RBFOX1: variants seen among roughly 807,000 people sequenced by gnomAD.
The protein encoded by RBFOX1 is RNA binding fox-1 homolog 1, also known as RNA binding protein fox-1 homolog 1.
In RBFOX1, 8 loss-of-function variants were observed where a neutral mutation model predicts 57.7. The observed-to-expected ratio is 0.14, with a 90% CI of 0.08 to 0.25. The LOEUF (loss-of-function observed/expected upper bound fraction) is 0.25. Among genes scored for constraint, RBFOX1 ranks in the 10% least tolerant of loss-of-function variants. RBFOX1 has a pLI of 1.00. For missense variants in RBFOX1, 611 were observed against 548.5 expected (o/e 1.11, Z -1.14); for synonymous variants, 326 against 222.4 (o/e 1.47, Z -4.15).
chr16:5,888,378 CATTATT>C (rs2057952796), intron 4 of RBFOX1, among the ~76,000 whole-genome samples: 1 of 152,224 alleles, frequency 6.6e-6, no homozygotes, highest in African/African-American at 2.4e-5. Context: ...TCATTTTACT[CATTATT>C]ATTATTGTTG....
chr16:6,306,725 G>A (rs79293435), intron 1 of RBFOX1, among the ~76,000 whole-genome samples: 9,929 of 152,200 alleles, frequency 0.065, 363 homozygotes, highest in South Asian at 0.094. Context: ...AGCAGTTGCC[G>A]TCCATTTCTG....
chr16:6,171,776 G>A (rs1263284746), intron 1 of RBFOX1, among the ~76,000 whole-genome samples: 1 of 151,108 alleles, frequency 6.6e-6, no homozygotes, highest in Non-Finnish European at 1.5e-5. Flanking sequence ...TGAACCAAAG[G>A]GTCTGGGTGA....
chr16:7,574,921 C>T (rs1387684113), intron 5 of RBFOX1, among the ~76,000 whole-genome samples: 1 of 152,114 alleles, frequency 6.6e-6, no homozygotes, highest in African/African-American at 2.4e-5. Flanking sequence ...GGACGCATTG[C>T]CTCCTGGATA....
intron 3 of RBFOX1, among the ~76,000 whole-genome samples, chr16:5,605,163 C>G (rs2047524923): frequency 6.6e-6 from 1 of 152,150 alleles, no homozygotes; most frequent in Admixed American, 6.5e-5. Context: ...CCTGTTTTAC[C>G]CTCCAAGGTG....
intron 4 of RBFOX1, among the ~76,000 whole-genome samples, chr16:7,469,276 C>T (rs1472876684): frequency 2.0e-5 from 3 of 151,856 alleles, no homozygotes; most frequent in Non-Finnish European, 2.9e-5. Flanking sequence ...GTCGGTCAGG[C>T]TGGTCTCGAA....
At chr16:6,775,169 CAAAAAAAAA>C (rs74584596) in intron 3 of RBFOX1, among the ~76,000 whole-genome samples, 1 of 84,102 alleles carries the variant, frequency 1.2e-5, no homozygotes, top group African/African-American at 3.5e-5. Flanking sequence ...ACTAAAAGTA[CAAAAAAAAA>C]AAAAAAAAGT....
At chr16:5,630,785 T>A (rs2151303332) in intron 3 of RBFOX1, among the ~76,000 whole-genome samples, 1 of 152,204 alleles carries the variant, frequency 6.6e-6, no homozygotes, top group African/African-American at 2.4e-5. Context: ...CTTCAATTGT[T>A]GGAAAAAAGG....
intron 1 of RBFOX1, among the ~76,000 whole-genome samples, chr16:6,075,737 A>T (rs1033203518): frequency 6.6e-6 from 1 of 152,238 alleles, no homozygotes; most frequent in Non-Finnish European, 1.5e-5. Context: ...GATTAAATCA[A>T]AGTCCCAGAA....
At chr16:7,540,670 C>G (rs370745516) in intron 5 of RBFOX1, among the ~76,000 whole-genome samples, 1 of 152,154 alleles carries the variant, frequency 6.6e-6, no homozygotes, top group African/African-American at 2.4e-5. Context: ...CCTCTTCAGG[C>G]TTAACCGTTA....
intron 1 of RBFOX1, among the ~76,000 whole-genome samples, chr16:6,281,094 A>G (rs2076333669): frequency 6.6e-6 from 1 of 151,516 alleles, no homozygotes; most frequent in South Asian, 2.1e-4. Context: ...CTAGACATCT[A>G]TGTCCAGTGG....
intron 2 of RBFOX1, among the ~76,000 whole-genome samples, chr16:6,646,067 A>G (rs2098531982): frequency 6.8e-6 from 1 of 146,016 alleles, no homozygotes; most frequent in Admixed American, 7.1e-5. Flanking sequence ...TTGCTTGGTG[A>G]TGAGTCCACA....
At chr16:7,672,408 A>C (rs930691455) in intron 13 of RBFOX1, among the ~76,000 whole-genome samples, 1 of 152,220 alleles carries the variant, frequency 6.6e-6, no homozygotes. Flanking sequence ...TTACGAAAGT[A>C]CTTTTTGTAA....
intron 2 of RBFOX1, among the ~76,000 whole-genome samples, chr16:6,568,431 G>A (rs1010314551): frequency 3.3e-5 from 5 of 152,298 alleles, no homozygotes; most frequent in African/African-American, 1.2e-4. Flanking sequence ...GACAGAGAAA[G>A]CGGGGAGAGA....
At chr16:6,447,721 T>TA (rs2094512604) in intron 2 of RBFOX1, among the ~76,000 whole-genome samples, 2 of 152,362 alleles carry the variant, frequency 1.3e-5, no homozygotes, top group African/African-American at 4.8e-5. Flanking sequence ...AAGCCGCCTG[T>TA]ATGCCACACC....
intron 3 of RBFOX1, among the ~76,000 whole-genome samples, chr16:6,727,124 G>GTA (rs35032460): frequency 0.89 from 132,064 of 149,054 alleles, 60,295 homozygotes; most frequent in Non-Finnish European, 1. Context: ...GTGTGTGTGT[G>GTA]TATATATAAA....
rs545101180 is a variant in RBFOX1, at chr16:6,878,864, T to G, written c.-15-173193T>G. Among the ~76,000 whole-genome samples the G allele has an allele frequency of 2.9e-5, 4 of 139,936 alleles. No individual in the cohort carries two copies. In the South Asian group the frequency reaches 8.9e-4, roughly 31 times the overall value. 91.8% of individuals were successfully genotyped at this position (139,936 alleles called of 152,430 possible). The stretch of plus-strand genomic sequence containing the variant: ...GAAGTTTTAAGGATCAGAGAGAAAT[T>G]AACAGCTAATCTTTGATAGTTCTCC... On this transcript the variant is annotated intron_variant, in intron 3 of 15. Coordinates refer to ENST00000550418, the MANE Select transcript of RBFOX1 (RefSeq NM_018723.4).
intron 3 of RBFOX1, among the ~76,000 whole-genome samples, chr16:7,001,398 TTGTATATGTATA>T (rs55910456): frequency 0.062 from 6,158 of 99,946 alleles, 192 homozygotes; most frequent in Middle Eastern, 0.09. Flanking sequence ...GTATGTGTAT[TTGTATATGTATA>T]TGTATATGTA....
chr16:7,547,586 C>G (rs188645981), intron 5 of RBFOX1, among the ~76,000 whole-genome samples: 3 of 152,276 alleles, frequency 2.0e-5, no homozygotes, highest in East Asian at 3.8e-4. Flanking sequence ...AGTCAGTTGA[C>G]CACACTGCTG....
chr16:7,028,285 C>T (rs1260722474), intron 3 of RBFOX1, among the ~76,000 whole-genome samples: 3 of 152,112 alleles, frequency 2.0e-5, no homozygotes, highest in African/African-American at 7.2e-5. Context: ...AATTGGCACA[C>T]AGTTCATGCT....
Sources: gnomAD v4.1 joint callset for allele counts (sites outside exome capture counted in the v4.1 genomes callset) on GRCh38, gnomAD v4.1.1 for gene constraint, MANE v1.5 for transcripts, NCBI Gene and HGNC (gene_info 2026-07-23, HGNC 2026-07-21) for gene names.